Variants in OSBPL5 observed in about 807,000 individuals in gnomAD.
OSBPL5 encodes oxysterol binding protein like 5.
OSBPL5 carries 71 observed loss-of-function variants against 111.2 expected under a neutral mutation model. The observed-to-expected ratio is 0.64, with a 90% CI of 0.53 to 0.78. The LOEUF (loss-of-function observed/expected upper bound fraction) is 0.78. Ranked by LOEUF, OSBPL5 falls within the 30% of genes least tolerant of loss-of-function variation. The pLI, the probability that OSBPL5 is intolerant of heterozygous loss-of-function variation, is 0.00. For missense variants in OSBPL5, 1,210 were observed against 1,189.3 expected, an observed-to-expected ratio of 1.02 and a Z score of -0.26; for synonymous variants, 549 against 513.9, an observed-to-expected ratio of 1.07 and a Z score of -0.93.
chr11:3,158,749 T>C (rs933319665), intron 1 of OSBPL5, among the ~76,000 whole-genome samples: 4 of 152,240 alleles, frequency 2.6e-5, no homozygotes, highest in African/African-American at 9.6e-5. Context: ...TGAAAACTAG[T>C]GGATGCTTCT....
At chr11:3,160,672 T>TCCCCCCCC (rs71035491) in intron 1 of OSBPL5, among the ~76,000 whole-genome samples, 2 of 122,442 alleles carry the variant, frequency 1.6e-5, no homozygotes, top group Non-Finnish European at 3.4e-5. Flanking sequence ...ATGACAACCC[T>TCCCCCCCC]CCCCCCCCCC....
rs372197696 is a variant in OSBPL5 at position 3,107,825 on chromosome 11, G to A, written c.812C>T (p.Ser271Leu). 88 of 1,612,290 alleles carry A rather than the reference G, an allele frequency of 5.5e-5. No homozygotes were observed. The highest frequency in any genetic ancestry group is 6.9e-5 in the Non-Finnish European group (81 of 1,179,992). ...GGCTGAGGCTGGCAGCCCACAGAGC[G>A]ATGAGGGTGATGCGTCTGGCGAGGT... ...PGTSPDASPSSLCGLPASATV... is the reference protein window; with the variant it reads ...PGTSPDASPSLLCGLPASATV... Residue 271 changes from serine (S) to leucine (L), a missense_variant, in exon 8 of 22, where the codon TCG becomes TTG. Physicochemically the swap from Ser to Leu is moderately radical, Grantham distance 145 (BLOSUM62 -2). Coordinates refer to ENST00000263650, the MANE Select transcript of OSBPL5 (RefSeq NM_020896.4). The surrounding 1 kb of genome is among the most constrained non-coding windows in gnomAD (Gnocchi z 6.1).
chr11:3,111,500 C>T (rs1333839308), intron 7 of OSBPL5, among the ~76,000 whole-genome samples: 2 of 152,184 alleles, frequency 1.3e-5, no homozygotes, highest in Non-Finnish European at 2.9e-5. Flanking sequence ...TTAGAGCACT[C>T]AGTGATCACG....
At chr11:3,098,769 T>G (rs1452356680) in intron 14 of OSBPL5, among the ~76,000 whole-genome samples, 1 of 151,956 alleles carries the variant, frequency 6.6e-6, no homozygotes, top group African/African-American at 2.4e-5. Context: ...CCTCCCAAAG[T>G]GCTGGGATTA....
At chr11:3,093,247 C>T (rs1464951299) in intron 17 of OSBPL5, 195 bp from the exon 18 acceptor site, 3 of 743,940 alleles carry the variant, frequency 4.0e-6, no homozygotes, top group East Asian at 5.5e-5. Flanking sequence ...ACACTGAGCT[C>T]CCATCTCCCG....
intron 13 of OSBPL5, 73 bp from the exon 14 acceptor site, chr11:3,100,329 C>T (rs751183466): frequency 4.4e-6 from 6 of 1,371,290 alleles, no homozygotes; most frequent in Non-Finnish European, 6.2e-6. Flanking sequence ...CCCTAAGTCA[C>T]AGGGTCTGAG....
intron 14 of OSBPL5, among the ~76,000 whole-genome samples, chr11:3,095,242 C>T (rs533211923): frequency 4.8e-4 from 69 of 144,814 alleles, no homozygotes; most frequent in Admixed American, 1.1e-3. Flanking sequence ...GCCCAGGAGG[C>T]GGAGGTTGTA....
chr11:3,094,359 C>T, intron 14 of OSBPL5, 25 bp from the exon 15 acceptor site: 3 of 1,595,042 alleles, frequency 1.9e-6, no homozygotes, highest in Non-Finnish European at 2.6e-6. Flanking sequence ...GTGTCAGGGG[C>T]CAGGCGGCCC....
At chr11:3,095,343 G>T (rs1013802421) in intron 14 of OSBPL5, among the ~76,000 whole-genome samples, 8 of 150,108 alleles carry the variant, frequency 5.3e-5, no homozygotes, top group Non-Finnish European at 1.2e-4. Flanking sequence ...AGAAAAGAAA[G>T]AAAAGCAAAG....
intron 1 of OSBPL5, among the ~76,000 whole-genome samples, chr11:3,144,915 A>G (rs907092075): frequency 2.6e-5 from 4 of 152,240 alleles, no homozygotes; most frequent in African/African-American, 9.6e-5. Flanking sequence ...ACAGACCCGG[A>G]TTCCAAGCAA....
intron 3 of OSBPL5, among the ~76,000 whole-genome samples, chr11:3,124,039 G>T (rs977574121): frequency 1.3e-5 from 2 of 152,218 alleles, no homozygotes; most frequent in African/African-American, 2.4e-5. Context: ...GGCGGGAGGA[G>T]CCAGGGGTCA....
rs1459040072 is a variant in OSBPL5 at position 3,154,928 on chromosome 11, A to AATG, written c.-22+10287_-22+10288insCAT. On this transcript the variant is annotated intron_variant, in intron 1 of 21. Coordinates refer to ENST00000263650, the MANE Select transcript of OSBPL5 (RefSeq NM_020896.4). The surrounding 1 kb of genome is among the most constrained non-coding windows in gnomAD (Gnocchi z 4.9). ...CTTAAAGTATAATAATAATAATAATAATAAAAAGAGCCCATTAAATTAAAA... is the reference window on the plus strand; with the variant it reads ...CTTAAAGTATAATAATAATAATAATAATGATAAAAAGAGCCCATTAAATTAAAA... Among the ~76,000 whole-genome samples, 1 of 152,044 alleles carries AATG rather than the reference A, an allele frequency of 6.6e-6. No homozygotes were observed.
At chr11:3,144,862 T>C (rs1846287041) in intron 1 of OSBPL5, among the ~76,000 whole-genome samples, 1 of 152,138 alleles carries the variant, frequency 6.6e-6, no homozygotes, top group African/African-American at 2.4e-5. Context: ...GGCACCCGGA[T>C]CCTCCAGGAT....
At position 3,112,478 on chromosome 11, in the gene OSBPL5, C is replaced by CTTT. The variant is rs559601032; in HGVS notation, c.692-4536_692-4534dup. On this transcript the variant is annotated intron_variant, in intron 7 of 21. Transcript: ENST00000263650. ...TGTAACCTGTTTTGTGTTTTCTTTT[C>CTTT]TTTTTTTTTTTTTTTTTGACTAAAG... 1.5e-3 allele frequency among the ~76,000 whole-genome samples: 161 copies of CTTT among 108,778 alleles called. 2 individuals carry two copies. Among genetic ancestry groups the CTTT allele is most frequent in the South Asian group, 6.1e-3 (19 of 3,106 alleles). The allele number at this position is 108,778 out of a possible 152,430, so 71.4% of individuals were successfully genotyped here. A position where few individuals can be genotyped will look rare whatever the true frequency, so the allele number is the denominator to read the frequency against.
chr11:3,092,876 C>A lies in OSBPL5; in HGVS notation c.2123G>T (p.Arg708Leu), dbSNP rs202210331. The A allele has an allele frequency of 1.9e-6, 3 of 1,543,554 alleles. No homozygotes were observed. The highest frequency in any genetic ancestry group is 2.6e-6 in the Non-Finnish European group (3 of 1,141,136). The change falls in exon 18 of 22, where the codon CGA becomes CTA. Residue 708 changes from arginine to leucine, a missense_variant. Physicochemically the swap from Arg to Leu is moderately radical, Grantham distance 102. Transcript: ENST00000263650. This position sits in a 1 kb window ranked among gnomAD's most constrained non-coding sequence, Gnocchi z 5.4. ...LDPITQEWHY[R>L]YEDHSPWDPL... ...CTTTGTCGGCACTCACTCCTCGTAT[C>A]GGTAGTGCCACTCCTGGGTGATGGG...
Position 3,102,176 on chromosome 11 carries a change from CTCT to C in OSBPL5, c.1425+4_1425+6del. On this transcript the variant is annotated splice_donor_5th_base_variant and intron_variant, in intron 12 of 21. Coordinates refer to ENST00000263650, the MANE Select transcript of OSBPL5 (RefSeq NM_020896.4). ...ACCCAGGCCGGTTGCAGCAGAGGTG[CTCT>C]TGCCTGCTCTGCTATGTAGAATGTG... is the stretch of plus-strand genomic sequence containing the variant. 6.3e-7 allele frequency: 1 copy of C among 1,589,328 alleles called. No individual in the cohort carries two copies. Among genetic ancestry groups the C allele is most frequent in the Non-Finnish European group, 8.6e-7 (1 of 1,168,468 alleles).
intron 14 of OSBPL5, among the ~76,000 whole-genome samples, chr11:3,096,798 C>A: frequency 6.6e-6 from 1 of 151,484 alleles, no homozygotes; most frequent in East Asian, 1.9e-4. Flanking sequence ...GTGTACTGTA[C>A]TTTGATATAT....
chr11:3,148,410 G>A (rs1285082671), intron 1 of OSBPL5, among the ~76,000 whole-genome samples: 5 of 152,222 alleles, frequency 3.3e-5, no homozygotes, highest in African/African-American at 1.2e-4. Flanking sequence ...CCCATGACAC[G>A]TACTTTGCCC....
At chr11:3,116,854 C>CAAAAAAAAA (rs371907970) in intron 7 of OSBPL5, among the ~76,000 whole-genome samples, 1,526 of 74,936 alleles carry the variant, frequency 0.02, 84 homozygotes, top group African/African-American at 0.06. Flanking sequence ...GACTCCATCA[C>CAAAAAAAAA]AAAAAAAAAA....
Sources: allele counts gnomAD v4.1 joint callset (sites outside exome capture counted in the v4.1 genomes callset), GRCh38; gene constraint gnomAD v4.1.1; non-coding constraint Gnocchi (gnomAD v3.1); transcripts MANE v1.5; gene names NCBI Gene and HGNC (gene_info 2026-07-23, HGNC 2026-07-21).